The following CACNA1D variants were observed in gnomAD, a reference collection of about 807,000 sequenced individuals.
The protein encoded by CACNA1D is voltage-dependent L-type calcium channel subunit alpha-1D.
In CACNA1D, 55 loss-of-function variants were observed where a neutral mutation model predicts 257.1. The ratio of observed to expected loss-of-function variants is 0.21; its 90% CI spans 0.17 to 0.27. The LOEUF (loss-of-function observed/expected upper bound fraction) is 0.27. Among genes scored for constraint, CACNA1D ranks in the 10% least tolerant of loss-of-function variants. The pLI is 1.00. For synonymous variants in CACNA1D, 980 were observed against 1,014.9 expected, an observed-to-expected ratio of 0.97 and a Z score of 0.65; for missense variants, 1,876 against 2,784.0, an observed-to-expected ratio of 0.67 and a Z score of 7.34.
chr3:53,724,095 C>G, intron 14 of CACNA1D, 96 bp downstream of exon 14: 1 of 1,030,414 alleles, frequency 9.7e-7, no homozygotes, highest in Non-Finnish European at 1.5e-6. Context: ...GACAAAAGGA[C>G]TCCATTTTTG....
At chr3:53,656,292 A>T (rs114236182) in intron 4 of CACNA1D, among the ~76,000 whole-genome samples, 3,879 of 151,878 alleles carry the variant, frequency 0.026, 135 homozygotes, top group East Asian at 0.085. Flanking sequence ...AATTAAAAAA[A>T]TTTTTTTTCT....
chr3:53,588,974 G>A (rs552813099), intron 3 of CACNA1D, among the ~76,000 whole-genome samples: 19 of 152,222 alleles, frequency 1.2e-4, no homozygotes, highest in East Asian at 5.8e-4. Context: ...CACCGTGCTC[G>A]TCTTCATTTT....
chr3:53,676,299 CCT>C (rs1037189608), intron 8 of CACNA1D, among the ~76,000 whole-genome samples: 6 of 152,164 alleles, frequency 3.9e-5, no homozygotes, highest in Admixed American at 3.9e-4. Context: ...CACCACCTTC[CCT>C]CTCTGCCTGC....
At chr3:53,542,754 G>A (rs1280570131) in intron 3 of CACNA1D, among the ~76,000 whole-genome samples, 1 of 152,020 alleles carries the variant, frequency 6.6e-6, no homozygotes, top group Admixed American at 6.6e-5. Context: ...CTACTCAGGG[G>A]CTCTTTAAAG....
intron 3 of CACNA1D, among the ~76,000 whole-genome samples, chr3:53,617,555 A>G (rs72970772): frequency 0.02 from 3,007 of 152,312 alleles, 100 homozygotes; most frequent in African/African-American, 0.068. Flanking sequence ...CTCCTAGGCA[A>G]TGCTCAACAA....
intron 9 of CACNA1D, among the ~76,000 whole-genome samples, chr3:53,713,502 ATGTGTG>A (rs35655186): frequency 1.4e-3 from 175 of 129,456 alleles, no homozygotes; most frequent in Middle Eastern, 3.7e-3. Flanking sequence ...CTCTGTGTGT[ATGTGTG>A]TGTGTGTGTG....
rs185347096 is a variant in CACNA1D at position 53,754,848 on chromosome 3, C to A, written c.3786+1166C>A. Among the ~76,000 whole-genome samples the A allele has an allele frequency of 2.6e-5, 4 of 152,334 alleles. No homozygotes were observed. The East Asian group carries it at 7.7e-4, about 29-fold the overall frequency. On this transcript the variant is annotated intron_variant, in intron 29 of 47. Transcript: ENST00000350061. The stretch of plus-strand genomic sequence containing the variant: ...GATGGTTTCACATACTCCATAGTTA[C>A]ATGAAATTCTAATTCCAAACTGTTC...
In CACNA1D at chr3:53,530,853, C is replaced by CT. The variant is rs796208502; in HGVS notation, c.483+29144dup. ...CTGCACCCGTGCACATCCTCCTTTT[C>CT]TTTTTTTTTTTCTGAGACAAGGTCT... is the stretch of plus-strand genomic sequence containing the variant. On this transcript the variant is annotated intron_variant, in intron 3 of 47. Transcript: ENST00000350061. Among the ~76,000 whole-genome samples, 286 of 146,688 alleles carry CT rather than the reference C, an allele frequency of 1.9e-3. 1 individual carries two copies. The highest frequency in any genetic ancestry group is 5.1e-3 in the African/African-American group (205 of 40,278).
chr3:53,769,624 G>C (rs1486490770), intron 30 of CACNA1D, among the ~76,000 whole-genome samples: 5 of 152,210 alleles, frequency 3.3e-5, no homozygotes, highest in South Asian at 2.1e-4. Flanking sequence ...TAGTTCCTGA[G>C]ACCCACAGCC....
chr3:53,691,323 A>G (rs2094517472), intron 8 of CACNA1D, among the ~76,000 whole-genome samples: 1 of 152,082 alleles, frequency 6.6e-6, no homozygotes, highest in Non-Finnish European at 1.5e-5. Flanking sequence ...TATTTTTAGT[A>G]GAAATGGGGT....
intron 9 of CACNA1D, among the ~76,000 whole-genome samples, chr3:53,703,755 G>A (rs2094652665): frequency 6.6e-6 from 1 of 152,200 alleles, no homozygotes; most frequent in African/African-American, 2.4e-5. Context: ...TGGATGTTTT[G>A]CTCTCAGCAA....
chr3:53,668,572 T>G (rs940247062), intron 7 of CACNA1D, among the ~76,000 whole-genome samples: 1 of 152,188 alleles, frequency 6.6e-6, no homozygotes, highest in Non-Finnish European at 1.5e-5. Flanking sequence ...TTATAGAAGG[T>G]CTGGGATCTT....
At position 53,751,669 on chromosome 3, in the gene CACNA1D, C is replaced by G; in HGVS notation, c.3517-80C>G. On this transcript the variant is annotated intron_variant, in intron 27 of 47. Coordinates refer to ENST00000350061, the MANE Select transcript of CACNA1D (RefSeq NM_001128840.3). This position sits in a 1 kb window ranked among gnomAD's most constrained non-coding sequence, Gnocchi z 4.3. Reference sequence around the variant, plus strand: ...CTTCCCGGGAGCTGTAGGGTGAGCTCTTTCAGAGCAGATGACCACGGGGTC... The same window carrying G: ...CTTCCCGGGAGCTGTAGGGTGAGCTGTTTCAGAGCAGATGACCACGGGGTC... The G allele has an allele frequency of 6.8e-7, 1 of 1,466,382 alleles. No homozygotes were observed. Among genetic ancestry groups the G allele is most frequent in the Non-Finnish European group, 9.6e-7 (1 of 1,046,774 alleles). 90.8% of individuals were successfully genotyped at this position (1,466,382 alleles called of 1,614,324 possible). A position where few individuals can be genotyped will look rare whatever the true frequency, so the allele number is the denominator to read the frequency against.
chr3:53,525,938 T>G (rs2091747152), intron 3 of CACNA1D, among the ~76,000 whole-genome samples: 1 of 152,194 alleles, frequency 6.6e-6, no homozygotes, highest in Non-Finnish European at 1.5e-5. Context: ...CTGGTTTCTC[T>G]CTCTCCAGCC....
Position 53,497,308 on chromosome 3 carries a change from C to T in CACNA1D, c.224C>T (p.Pro75Leu), listed in dbSNP as rs1246921202. ...CAAACTATGAGCACCTCTGCACCCCCACCTGTAGGATCTCTCTCCCAAAGA... is the reference window on the plus strand; with the variant it reads ...CAAACTATGAGCACCTCTGCACCCCTACCTGTAGGATCTCTCTCCCAAAGA... ...AAQTMSTSAP[P>L]PVGSLSQRKR... Residue 75 changes from proline to leucine, a missense_variant, in exon 2 of 48, where the codon CCA (proline) becomes CTA (leucine). Around this residue, in one of 10 missense-constraint regions of CACNA1D, gnomAD observed 143 missense variants for 168.7 expected, o/e 0.85. Coordinates refer to ENST00000350061, the MANE Select transcript of CACNA1D (RefSeq NM_001128840.3). 1 of 1,614,178 alleles carries T rather than the reference C, an allele frequency of 6.2e-7. No individual in the cohort carries two copies. Among genetic ancestry groups the T allele is most frequent in the South Asian group, 1.1e-5 (1 of 91,072 alleles).
At chr3:53,619,573 G>A (rs1000580614) in intron 3 of CACNA1D, among the ~76,000 whole-genome samples, 2 of 152,170 alleles carry the variant, frequency 1.3e-5, no homozygotes, top group Non-Finnish European at 2.9e-5. Context: ...TACTTTAGAG[G>A]ACTGGGACTC....
At chr3:53,644,851 A>T (rs1185925637) in intron 3 of CACNA1D, among the ~76,000 whole-genome samples, 2 of 152,206 alleles carry the variant, frequency 1.3e-5, no homozygotes, top group Admixed American at 1.3e-4. Flanking sequence ...AAGTGGGATC[A>T]CTGCATTATA....
At chr3:53,608,882 C>G (rs920282383) in intron 3 of CACNA1D, among the ~76,000 whole-genome samples, 1 of 152,126 alleles carries the variant, frequency 6.6e-6, no homozygotes, top group Middle Eastern at 3.4e-3. Context: ...ATTTAATTTG[C>G]TGTTATTTTG....
chr3:53,745,493 T>C (rs554248204), intron 23 of CACNA1D, 131 bp from the exon 24 acceptor site: 1 of 659,930 alleles, frequency 1.5e-6, no homozygotes, highest in East Asian at 2.8e-5. Flanking sequence ...TGCCCACTTC[T>C]GCCTCCCAAA....
Sources: gnomAD v4.1 joint callset for allele counts (sites outside exome capture counted in the v4.1 genomes callset) on GRCh38, gnomAD v4.1.1 for gene constraint, gnomAD v4.1.1 regional missense constraint, Gnocchi (gnomAD v3.1) non-coding constraint, MANE v1.5 for transcripts, NCBI Gene and HGNC (gene_info 2026-07-23, HGNC 2026-07-21) for gene names.